ALDH3A2: variants seen among roughly 807,000 people sequenced by gnomAD.
ALDH3A2 encodes aldehyde dehydrogenase family 3 member A2.
A neutral mutation model predicts 51.3 loss-of-function variants in ALDH3A2; 36 were observed. The observed-to-expected ratio is 0.70, with a 90% CI of 0.54 to 0.93. The LOEUF is 0.93. Ranked by LOEUF, ALDH3A2 falls within the 40% of genes least tolerant of loss-of-function variation. The probability of loss-of-function intolerance (pLI) is 0.00; values close to 1 mark genes in which losing one functional copy is unlikely to be tolerated. For missense variants in ALDH3A2, 552 were observed against 603.1 expected (o/e 0.92, Z 0.89); for synonymous variants, 199 against 219.8 (o/e 0.91, Z 0.84).
intron 3 of ALDH3A2, among the ~76,000 whole-genome samples, chr17:19,653,081 G>C (rs895175368): frequency 2.1e-5 from 3 of 142,850 alleles, no homozygotes; most frequent in African/African-American, 7.9e-5. Context: ...ATCTTGCTCT[G>C]TCACCCAGGC....
At chr17:19,672,175 CAG>C (rs1484063121) in intron 9 of ALDH3A2, among the ~76,000 whole-genome samples, 4 of 152,182 alleles carry the variant, frequency 2.6e-5, no homozygotes, top group Non-Finnish European at 5.9e-5. Context: ...GGGACAGTGA[CAG>C]AGCTGAGTAG....
chr17:19,677,536 G>A lies in ALDH3A2; in HGVS notation c.*1964G>A. 1 of 151,946 alleles carries A rather than the reference G, an allele frequency of 6.6e-6. No individual in the cohort carries two copies. Among genetic ancestry groups the A allele is most frequent in the South Asian group, 2.1e-4 (1 of 4,804 alleles). 9.4% of individuals were successfully genotyped at this position (151,946 alleles called of 1,614,324 possible). ...TATGGAACCTCAGATATACCCTATT[G>A]GAGACAATCCTTTGATCATAAATTC... On this transcript the variant is annotated 3_prime_UTR_variant, in exon 10 of 10. Transcript: ENST00000176643.
chr17:19,675,250 GT>G (rs1284225991), intron 9 of ALDH3A2: 3 of 353,784 alleles, frequency 8.5e-6, no homozygotes, highest in Non-Finnish European at 1.5e-5. Context: ...AGGATAATAA[GT>G]TAGTACTCTC....
intron 9 of ALDH3A2, 143 bp downstream of exon 9, chr17:19,672,099 T>C (rs2152333373): frequency 1.3e-6 from 1 of 797,792 alleles, no homozygotes; most frequent in East Asian, 2.6e-5. Flanking sequence ...AGCTACCCGT[T>C]TTTGTCACTG....
In ALDH3A2 at chr17:19,648,775, G is replaced by A. The variant is rs978314112; in HGVS notation, c.-197G>A. 21 of 711,808 alleles carry A rather than the reference G, an allele frequency of 3.0e-5. No homozygotes were observed. The highest frequency in any genetic ancestry group is 4.6e-5 in the Non-Finnish European group (20 of 432,748). The allele number at this position is 711,808 out of a possible 1,614,324, so 44.1% of individuals were successfully genotyped here. A position where few individuals can be genotyped will look rare whatever the true frequency, so the allele number is the denominator to read the frequency against. On this transcript the variant is annotated 5_prime_UTR_variant, in exon 1 of 10. Coordinates refer to ENST00000176643, the MANE Select transcript of ALDH3A2 (RefSeq NM_000382.3). ...CAGTCCTCCCCCGGCGCCTCCGACT[G>A]GCAGTGGGACTCAGCGGGCGTGGAG...
At chr17:19,649,398 T>C (rs2152325729) in intron 1 of ALDH3A2, 2 of 486,374 alleles carry the variant, frequency 4.1e-6, no homozygotes, top group East Asian at 3.4e-5. Context: ...CTTTTCCTTA[T>C]GATGTGTAGG....
intron 2 of ALDH3A2, among the ~76,000 whole-genome samples, chr17:19,652,154 G>A (rs1390383331): frequency 6.6e-6 from 1 of 152,190 alleles, no homozygotes; most frequent in African/African-American, 2.4e-5. Flanking sequence ...TGAGAGTAAT[G>A]CTAGCTTGGG....
chr17:19,663,581 A>C, intron 7 of ALDH3A2, 82 bp downstream of exon 7: 1 of 1,437,638 alleles, frequency 7.0e-7, no homozygotes, highest in Non-Finnish European at 9.6e-7. Flanking sequence ...CAATGCAAAA[A>C]ACAATGTGAA....
chr17:19,663,576 C>CA (rs2084997395), intron 7 of ALDH3A2, 77 bp downstream of exon 7: 1 of 1,500,160 alleles, frequency 6.7e-7, no homozygotes, highest in South Asian at 1.2e-5. Flanking sequence ...TAAAACAATG[C>CA]AAAAAACAAT....
chr17:19,671,202 T>A (rs1312511505), intron 8 of ALDH3A2, among the ~76,000 whole-genome samples: 1 of 152,168 alleles, frequency 6.6e-6, no homozygotes, highest in East Asian at 1.9e-4. Context: ...TCCACAGGCT[T>A]TGAGAAAGCA....
intron 9 of ALDH3A2, chr17:19,673,178 GC>G (rs1567608047): frequency 1.2e-6 from 2 of 1,614,176 alleles, no homozygotes; most frequent in South Asian, 2.2e-5. Flanking sequence ...GAGGAGAAAG[GC>G]CCTGTTGATT....
intron 4 of ALDH3A2, among the ~76,000 whole-genome samples, chr17:19,657,450 G>C (rs1187601123): frequency 1.3e-5 from 2 of 152,208 alleles, no homozygotes; most frequent in Non-Finnish European, 2.9e-5. Flanking sequence ...ACATTGGGAG[G>C]CTGTTTCTCC....
Position 19,656,674 on chromosome 17 carries a change from C to G in ALDH3A2, c.680+100C>G, listed in dbSNP as rs1393921844. The stretch of plus-strand genomic sequence containing the variant: ...ACTTGAACCCCATACCTTATGGCTC[C>G]AAGATACATTATTAAGCTTTGGTGG... On this transcript the variant is annotated intron_variant, in intron 4 of 9. Coordinates refer to ENST00000176643, the MANE Select transcript of ALDH3A2 (RefSeq NM_000382.3). 5.2e-6 allele frequency: 6 copies of G among 1,161,280 alleles called. No homozygotes were observed. The Admixed American group carries it at 1.2e-4, about 23-fold the overall frequency. The allele number at this position is 1,161,280 out of a possible 1,614,324, so 71.9% of individuals were successfully genotyped here. A position where few individuals can be genotyped will look rare whatever the true frequency, so the allele number is the denominator to read the frequency against.
At position 19,656,572 on chromosome 17, in the gene ALDH3A2, C is replaced by G. The variant is rs72547565; in HGVS notation, c.678C>G (p.Cys226Trp). The change falls in exon 4 of 10, where the codon TGC becomes TGG. Residue 226 changes from cysteine (C) to tryptophan (W), a missense_variant and splice_region_variant. Coordinates refer to ENST00000176643, the MANE Select transcript of ALDH3A2 (RefSeq NM_000382.3). ...IDKDCDLDIVCRRITWGKYMN... is the reference protein window; with the variant it reads ...IDKDCDLDIVWRRITWGKYMN... ...AAGATTGTGACCTGGACATTGTTTG[C>G]AGGTGAGTCTGGCTCTCTGATTTTC... The G allele has an allele frequency of 1.2e-6, 2 of 1,609,780 alleles. No homozygotes were observed. Among genetic ancestry groups the G allele is most frequent in the Non-Finnish European group, 8.5e-7 (1 of 1,177,638 alleles).
At chr17:19,653,771 C>T (rs184683629) in intron 3 of ALDH3A2, among the ~76,000 whole-genome samples, 10 of 152,254 alleles carry the variant, frequency 6.6e-5, no homozygotes, top group South Asian at 4.1e-4. Flanking sequence ...AAAGGGGACC[C>T]GAGCAGGTTG....
intron 3 of ALDH3A2, 75 bp downstream of exon 3, chr17:19,652,707 A>C: frequency 7.8e-7 from 1 of 1,282,882 alleles, no homozygotes; most frequent in Non-Finnish European, 1.1e-6. Context: ...TTGCTATTGC[A>C]TGTTATTGCT....
chr17:19,653,047 C>CTTTT (rs541991059), intron 3 of ALDH3A2, among the ~76,000 whole-genome samples: 1 of 141,446 alleles, frequency 7.1e-6, no homozygotes, highest in Non-Finnish European at 1.6e-5. Flanking sequence ...TATAAGAGTA[C>CTTTT]TTTTTTTTTT....
At chr17:19,665,097 A>G in intron 8 of ALDH3A2, 50 bp downstream of exon 8, 2 of 1,484,354 alleles carry the variant, frequency 1.3e-6, no homozygotes, top group Non-Finnish European at 1.9e-6. Context: ...AAGCACCACC[A>G]TTTCATGAGT....
rs11204407 is a variant in ALDH3A2, at chr17:19,649,406, A to G, written c.153+282A>G. On this transcript the variant is annotated intron_variant, in intron 1 of 9. Transcript: ENST00000176643. ...TGTGGTTCTTTTCCTTATGATGTGT[A>G]GGAACTCTTTGTATATTCTGGATTT... is the stretch of plus-strand genomic sequence containing the variant. 142,763 of 441,896 alleles carry G rather than the reference A, an allele frequency of 0.32. 24,084 individuals carry two copies. Among genetic ancestry groups the G allele is most frequent in the East Asian group, 0.47 (12,418 of 26,294 alleles). 27.4% of individuals were successfully genotyped at this position (441,896 alleles called of 1,614,324 possible).
Sources: allele counts gnomAD v4.1 joint callset (sites outside exome capture counted in the v4.1 genomes callset), GRCh38; gene constraint gnomAD v4.1.1; transcripts MANE v1.5; gene names NCBI Gene and HGNC (gene_info 2026-07-23, HGNC 2026-07-21).